DNAH9: variants seen among roughly 807,000 people sequenced by gnomAD.
DNAH9 encodes the protein dynein axonemal heavy chain 9, also known as DNAH9 variant protein.
A neutral mutation model predicts 471.6 loss-of-function variants in DNAH9; 345 were observed. That is an observed-to-expected ratio of 0.73 (90% CI 0.67 to 0.80). The LOEUF is 0.80. DNAH9 is among the 30% of genes least tolerant of loss of function. The pLI is 0.00. For missense variants in DNAH9, 5,407 were observed against 5,609.2 expected, an observed-to-expected ratio of 0.96 and a Z score of 1.15; for synonymous variants, 2,093 against 2,123.6, an observed-to-expected ratio of 0.99 and a Z score of 0.40.
At chr17:11,824,924 C>T (rs1292066597) in intron 48 of DNAH9, among the ~76,000 whole-genome samples, 2 of 151,008 alleles carry the variant, frequency 1.3e-5, no homozygotes, top group African/African-American at 4.9e-5. Context: ...CTCCTCCTCC[C>T]CCTCCTTCTT....
intron 67 of DNAH9, among the ~76,000 whole-genome samples, chr17:11,946,354 C>T (rs930415733): frequency 2.0e-5 from 3 of 151,858 alleles, no homozygotes; most frequent in African/African-American, 4.8e-5. Flanking sequence ...GACACCATCA[C>T]ACGTTTGAAT....
At position 11,738,911 on chromosome 17, in the gene DNAH9, A is replaced by G; in HGVS notation, c.5846A>G (p.Lys1949Arg). The change falls in exon 29 of 69, where the codon AAG becomes AGG. Residue 1949 changes from lysine (K) to arginine (R), a missense_variant. Around this residue, in one of 3 missense-constraint regions of DNAH9, gnomAD observed 4,636 missense variants for 4,900.3 expected, o/e 0.95. Coordinates refer to ENST00000262442, the MANE Select transcript of DNAH9 (RefSeq NM_001372.4). ...VKSIQDAIRDKKQWFSFLGEE... is the reference protein window; with the variant it reads ...VKSIQDAIRDRKQWFSFLGEE... ...AGCATTCAAGATGCGATTAGAGATA[A>G]GAAGCAGTGGTTCAGCTTCCTTGGG... is the stretch of plus-strand genomic sequence containing the variant. 6.2e-7 allele frequency: 1 copy of G among 1,614,144 alleles called. No individual in the cohort carries two copies. The highest frequency in any genetic ancestry group is 8.5e-7 in the Non-Finnish European group (1 of 1,179,976).
intron 15 of DNAH9, among the ~76,000 whole-genome samples, chr17:11,666,204 A>G (rs1294039136): frequency 6.6e-6 from 1 of 152,182 alleles, no homozygotes; most frequent in African/African-American, 2.4e-5. Flanking sequence ...GAACTGACCA[A>G]GCCTCCTCTA....
chr17:11,911,334 G>T (rs1041263928), intron 61 of DNAH9, among the ~76,000 whole-genome samples: 1 of 152,186 alleles, frequency 6.6e-6, no homozygotes, highest in Non-Finnish European at 1.5e-5. Flanking sequence ...GTCAAAAATA[G>T]ACCATCATTG....
intron 11 of DNAH9, 27 bp downstream of exon 11, chr17:11,644,726 T>C (rs1440286931): frequency 1.3e-6 from 2 of 1,545,318 alleles, no homozygotes; most frequent in South Asian, 2.2e-5. Context: ...ATTGCGTGGG[T>C]CTGCAGATTG....
intron 48 of DNAH9, among the ~76,000 whole-genome samples, chr17:11,825,103 A>C (rs1970444736): frequency 6.6e-6 from 1 of 151,538 alleles, no homozygotes; most frequent in Non-Finnish European, 1.5e-5. Context: ...GATGACGAAA[A>C]CCTCTTCTTA....
At chr17:11,733,556 TA>T (rs1791989490) in intron 28 of DNAH9, among the ~76,000 whole-genome samples, 1 of 152,058 alleles carries the variant, frequency 6.6e-6, no homozygotes, top group African/African-American at 2.4e-5. Flanking sequence ...TTGCAATATA[TA>T]GAAGTAAACC....
chr17:11,832,860 A>G (rs1412442303), intron 48 of DNAH9, among the ~76,000 whole-genome samples: 1 of 152,202 alleles, frequency 6.6e-6, no homozygotes, highest in East Asian at 1.9e-4. Flanking sequence ...CCGTATTGCA[A>G]ATACAAATAG....
rs1003074223 is a variant in DNAH9, at chr17:11,871,640, G to A, written c.10096G>A (p.Val3366Met). The change falls in exon 52 of 69, where the codon GTG becomes ATG. Residue 3366 changes from valine to methionine, a missense_variant. Val to Met is a conservative substitution (Grantham distance 21). Coordinates refer to ENST00000262442, the MANE Select transcript of DNAH9 (RefSeq NM_001372.4). ...ASENVRWADA[V>M]QNFKQQERTL... ...TGAAAACGTGAGGTGGGCAGATGCCGTGCAGAACTTCAAACAGCAGGAAAG... is the reference window on the plus strand; with the variant it reads ...TGAAAACGTGAGGTGGGCAGATGCCATGCAGAACTTCAAACAGCAGGAAAG... 41 of 1,614,108 alleles carry A rather than the reference G, an allele frequency of 2.5e-5. No homozygotes were observed. The highest frequency in any genetic ancestry group is 2.5e-4 in the East Asian group (11 of 44,890).
At chr17:11,928,112 T>C (rs1405299083) in intron 62 of DNAH9, among the ~76,000 whole-genome samples, 1 of 150,162 alleles carries the variant, frequency 6.7e-6, no homozygotes, top group Non-Finnish European at 1.5e-5. Flanking sequence ...TATTTATTTA[T>C]TTATTTATTT....
rs1456487913 is a variant in DNAH9 at position 11,608,132 on chromosome 17, G to T, written c.421G>T (p.Val141Phe). 6.3e-7 allele frequency: 1 copy of T among 1,592,072 alleles called. No homozygotes were observed. ...TTCCTGTGCACCTCTGTTCCAGGTT[G>T]TTCTACCCGTCCTGGCCAATGAGAA... Reference protein sequence around the residue: ...EHLAALFSEVVLPVLANEKNR... With the variant: ...EHLAALFSEVFLPVLANEKNR... Residue 141 changes from valine to phenylalanine, a missense_variant, in exon 2 of 69, where the codon GTT (valine) becomes TTT (phenylalanine). Val to Phe is a conservative substitution (Grantham distance 50). This residue lies in a region of DNAH9 where 767 missense variants were observed against 692.5 expected (regional missense o/e 1.11). Coordinates refer to ENST00000262442, the MANE Select transcript of DNAH9 (RefSeq NM_001372.4).
chr17:11,965,944 AAG>A (rs1976677261), intron 68 of DNAH9, among the ~76,000 whole-genome samples: 2 of 152,256 alleles, frequency 1.3e-5, no homozygotes, highest in East Asian at 1.9e-4. Flanking sequence ...TGAGAAAATG[AAG>A]AGTCTCAGAG....
intron 38 of DNAH9, among the ~76,000 whole-genome samples, chr17:11,773,601 C>T (rs118063963): frequency 6.6e-6 from 1 of 152,018 alleles, no homozygotes; most frequent in East Asian, 1.9e-4. Context: ...AAAACTTAGA[C>T]AATCTCCAGA....
At chr17:11,762,637 C>G (rs1232959775) in intron 35 of DNAH9, among the ~76,000 whole-genome samples, 1 of 152,156 alleles carries the variant, frequency 6.6e-6, no homozygotes, top group East Asian at 1.9e-4. Flanking sequence ...CACTCTACTT[C>G]CCAGATAAGA....
intron 61 of DNAH9, among the ~76,000 whole-genome samples, chr17:11,912,572 A>C (rs1179041526): frequency 6.6e-6 from 1 of 152,142 alleles, no homozygotes; most frequent in Non-Finnish European, 1.5e-5. Flanking sequence ...GTAATAAGAT[A>C]GTTGTTTCTT....
chr17:11,836,411 C>A (rs1176453800), intron 49 of DNAH9, among the ~76,000 whole-genome samples: 2 of 151,924 alleles, frequency 1.3e-5, no homozygotes, highest in African/African-American at 4.8e-5. Flanking sequence ...ATAAGGAAAC[C>A]CTAAAAGTAA....
chr17:11,944,837 G>A (rs1597859538), intron 67 of DNAH9, among the ~76,000 whole-genome samples: 1 of 152,176 alleles, frequency 6.6e-6, no homozygotes, highest in South Asian at 2.1e-4. Context: ...GATGACTCAA[G>A]TTTGGGAAGC....
chr17:11,747,675 G>A lies in DNAH9; in HGVS notation c.6519G>A (p.Arg2173=). 1 of 1,614,150 alleles carries A rather than the reference G, an allele frequency of 6.2e-7. No individual in the cohort carries two copies. Among genetic ancestry groups the A allele is most frequent in the Non-Finnish European group, 8.5e-7 (1 of 1,180,018 alleles). ...ACAAGACCTATCAGATCATGAAACG[G>A]CGCCCCGTCTGGACTGACCTCAATC... ...SLHKTYQIMK[R]RPVWTDLNPK... Residue 2173 remains arginine, a synonymous_variant, in exon 32 of 69, where the codon CGG becomes CGA. Transcript: ENST00000262442.
intron 11 of DNAH9, 34 bp downstream of exon 11, chr17:11,644,733 A>T (rs994612499): frequency 1.4e-6 from 2 of 1,469,182 alleles, no homozygotes; most frequent in Admixed American, 1.7e-5. Flanking sequence ...GGGTCTGCAG[A>T]TTGCACAGCC....
Sources: gnomAD v4.1 joint callset for allele counts (sites outside exome capture counted in the v4.1 genomes callset) on GRCh38, gnomAD v4.1.1 for gene constraint, gnomAD v4.1.1 regional missense constraint, MANE v1.5 for transcripts, NCBI Gene and HGNC (gene_info 2026-07-23, HGNC 2026-07-21) for gene names.